Variants in CNOT6L observed in about 807,000 individuals in gnomAD.
CNOT6L encodes the protein CCR4-NOT transcription complex subunit 6-like.
Under a neutral mutation model 64.0 loss-of-function variants are expected in CNOT6L, and 7 were observed. The observed-to-expected ratio is 0.11, with a 90% CI of 0.06 to 0.21. CNOT6L has a LOEUF of 0.21. Ranked by LOEUF, CNOT6L falls within the 10% of genes least tolerant of loss-of-function variation. The probability of loss-of-function intolerance (pLI) is 1.00; values close to 1 mark genes in which losing one functional copy is unlikely to be tolerated. For missense variants in CNOT6L, 245 were observed against 669.0 expected (o/e 0.37, Z 6.99); for synonymous variants, 193 against 243.4 (o/e 0.79, Z 1.93).
intron 1 of CNOT6L, among the ~76,000 whole-genome samples, chr4:77,797,862 C>T (rs1731045751): frequency 6.6e-6 from 1 of 152,028 alleles, no homozygotes; most frequent in Admixed American, 6.6e-5. Flanking sequence ...GGATCACAGG[C>T]CTAAATTTAA....
chr4:77,807,324 C>G (rs902043623), intron 1 of CNOT6L, among the ~76,000 whole-genome samples: 1 of 148,792 alleles, frequency 6.7e-6, no homozygotes, highest in African/African-American at 2.5e-5. Context: ...GGGAGAGGAT[C>G]TGTTGAGCTC....
At chr4:77,748,277 A>G (rs371734790) in intron 6 of CNOT6L, 39 bp downstream of exon 6, 14 of 1,341,600 alleles carry the variant, frequency 1.0e-5, no homozygotes, top group Non-Finnish European at 1.5e-5. Context: ...CATTTTAAGA[A>G]TTTCTGAAAA....
chr4:77,724,505 T>C (rs1437689000), intron 11 of CNOT6L, among the ~76,000 whole-genome samples: 1 of 151,948 alleles, frequency 6.6e-6, no homozygotes, highest in East Asian at 1.9e-4. Context: ...CTGGTCATGG[T>C]GGTGTGTGCC....
At chr4:77,787,803 T>C (rs1729627052) in intron 1 of CNOT6L, among the ~76,000 whole-genome samples, 1 of 152,200 alleles carries the variant, frequency 6.6e-6, no homozygotes, top group South Asian at 2.1e-4. Context: ...ACTTAATTAA[T>C]TTCTCCCAAC....
chr4:77,795,546 A>T (rs1283701620), intron 1 of CNOT6L, among the ~76,000 whole-genome samples: 1 of 152,038 alleles, frequency 6.6e-6, no homozygotes, highest in African/African-American at 2.4e-5. Flanking sequence ...ACAGCTGGTT[A>T]TTTGAAAAGT....
chr4:77,747,259 C>T (rs1323707931), intron 6 of CNOT6L, among the ~76,000 whole-genome samples: 1 of 152,100 alleles, frequency 6.6e-6, no homozygotes, highest in Non-Finnish European at 1.5e-5. Context: ...CTCCGCATCC[C>T]AGGTTCAAGC....
At chr4:77,778,009 A>T (rs41437548) in intron 1 of CNOT6L, among the ~76,000 whole-genome samples, 9,722 of 152,236 alleles carry the variant, frequency 0.064, 466 homozygotes, top group African/African-American at 0.13. Context: ...TTCCAGGTTA[A>T]GCTCTTCAAC....
intron 1 of CNOT6L, among the ~76,000 whole-genome samples, chr4:77,812,579 A>C (rs1733086595): frequency 6.6e-6 from 1 of 151,888 alleles, no homozygotes; most frequent in South Asian, 2.1e-4. Flanking sequence ...TCCATTTACA[A>C]TATCATCTGG....
rs1720649015 is a variant in CNOT6L at position 77,715,483 on chromosome 4, A to G, written c.*4948T>C. On this transcript the variant is annotated 3_prime_UTR_variant, in exon 12 of 12. Transcript: ENST00000504123. Reference sequence around the variant, plus strand: ...GTTGAACGAAGAACTCAACATGCTTATTTTCCTTTGGTTCCAGGAAAAACC... The same window carrying G: ...GTTGAACGAAGAACTCAACATGCTTGTTTTCCTTTGGTTCCAGGAAAAACC... 1 of 152,074 alleles carries G rather than the reference A, an allele frequency of 6.6e-6. No homozygotes were observed. Among genetic ancestry groups the G allele is most frequent in the Non-Finnish European group, 1.5e-5 (1 of 67,994 alleles). 9.4% of individuals were successfully genotyped at this position (152,074 alleles called of 1,614,324 possible).
chr4:77,819,186 CA>C (rs1250575582), intron 1 of CNOT6L, 117 bp downstream of exon 1: 3 of 1,602,624 alleles, frequency 1.9e-6, no homozygotes. Context: ...CCCCGCCCGC[CA>C]AAGTCCCAAC....
intron 1 of CNOT6L, among the ~76,000 whole-genome samples, chr4:77,817,569 A>G (rs1043466930): frequency 6.6e-6 from 1 of 152,224 alleles, no homozygotes; most frequent in African/African-American, 2.4e-5. Flanking sequence ...GTGACTGATA[A>G]AACTGTGGCT....
rs370040700 is a variant in CNOT6L at position 77,748,362 on chromosome 4, C to T, written c.513G>A (p.Pro171=). Residue 171 remains proline, a synonymous_variant, in exon 6 of 12, where the codon CCG becomes CCA. Coordinates refer to ENST00000504123, the MANE Select transcript of CNOT6L (RefSeq NM_144571.3). ...NLAVHPEQLP[P]RPWITLKERD... is the part of the protein sequence containing the mutation. ...GTTCTTTTAATGTAATCCATGGCCT[C>T]GGAGGAAGCTGCTCTGGATGAACTG... 20 of 1,612,326 alleles carry T rather than the reference C, an allele frequency of 1.2e-5. No homozygotes were observed. Among genetic ancestry groups the T allele is most frequent in the African/African-American group, 2.7e-5 (2 of 74,846 alleles).
intron 1 of CNOT6L, among the ~76,000 whole-genome samples, chr4:77,779,042 G>C (rs1257745923): frequency 7.3e-5 from 6 of 82,622 alleles, no homozygotes; most frequent in African/African-American, 2.9e-4. Context: ...GCGAGACTCT[G>C]TCTCAAAAAA....
intron 8 of CNOT6L, among the ~76,000 whole-genome samples, chr4:77,737,440 G>T: frequency 4.5e-5 from 2 of 44,352 alleles, no homozygotes; most frequent in African/African-American, 9.5e-5. Context: ...TTTTTTTTTT[G>T]AGATGGAATC....
intron 1 of CNOT6L, among the ~76,000 whole-genome samples, chr4:77,795,315 G>A (rs527274441): frequency 3.3e-5 from 5 of 151,992 alleles, no homozygotes; most frequent in Admixed American, 6.6e-5. Flanking sequence ...CACTGCACCC[G>A]GCCAGTAAAA....
At chr4:77,796,708 G>A (rs1730888682) in intron 1 of CNOT6L, among the ~76,000 whole-genome samples, 1 of 152,080 alleles carries the variant, frequency 6.6e-6, no homozygotes, top group African/African-American at 2.4e-5. Flanking sequence ...ATGGCAATAA[G>A]GTACTGACAA....
intron 5 of CNOT6L, among the ~76,000 whole-genome samples, chr4:77,755,698 C>T (rs1026703516): frequency 6.6e-6 from 1 of 151,894 alleles, no homozygotes; most frequent in Non-Finnish European, 1.5e-5. Flanking sequence ...TTTAGTTTTA[C>T]CTTATTATAA....
chr4:77,740,388 C>T (rs1377107857), intron 8 of CNOT6L, among the ~76,000 whole-genome samples: 1 of 151,900 alleles, frequency 6.6e-6, no homozygotes, highest in Admixed American at 6.6e-5. Context: ...AAAACAAAAA[C>T]AAATGTCAAA....
At chr4:77,748,220 A>T (rs1577943735) in intron 6 of CNOT6L, 96 bp downstream of exon 6, 2 of 855,948 alleles carry the variant, frequency 2.3e-6, no homozygotes, top group East Asian at 4.8e-5. Context: ...TACCCATGAA[A>T]GGTAAAAATG....
Sources: allele counts gnomAD v4.1 joint callset (sites outside exome capture counted in the v4.1 genomes callset), GRCh38; gene constraint gnomAD v4.1.1; transcripts MANE v1.5; gene names NCBI Gene and HGNC (gene_info 2026-07-23, HGNC 2026-07-21).